CCDC148: variants seen among roughly 807,000 people sequenced by gnomAD.
The protein encoded by CCDC148 is coiled-coil domain containing 148.
In CCDC148, 89 loss-of-function variants were observed where a neutral mutation model predicts 85.7. The ratio of observed to expected loss-of-function variants is 1.04; its 90% CI spans 0.87 to 1.24. The LOEUF is 1.24. Among genes scored for constraint, CCDC148 ranks in the 50% most tolerant of loss-of-function variants. The pLI is 0.00. For synonymous variants in CCDC148, 230 were observed against 213.9 expected, an observed-to-expected ratio of 1.08 and a Z score of -0.66; for missense variants, 692 against 671.7, an observed-to-expected ratio of 1.03 and a Z score of -0.33.
At chr2:158,189,954 A>G (rs531420358) in intron 11 of CCDC148, among the ~76,000 whole-genome samples, 11 of 152,166 alleles carry the variant, frequency 7.2e-5, no homozygotes, top group South Asian at 2.1e-4. Context: ...GATGGAAAGC[A>G]TTCTATTGAA....
intron 9 of CCDC148, among the ~76,000 whole-genome samples, chr2:158,272,779 C>T (rs1689757310): frequency 2.0e-5 from 3 of 152,176 alleles, no homozygotes; most frequent in South Asian, 2.1e-4. Context: ...TCTGCTCATT[C>T]ACTGGGAAAG....
At chr2:158,303,202 A>T (rs915696719) in intron 9 of CCDC148, among the ~76,000 whole-genome samples, 2 of 152,224 alleles carry the variant, frequency 1.3e-5, no homozygotes, top group African/African-American at 4.8e-5. Context: ...AATGTTTATT[A>T]TAGCTGGCAT....
chr2:158,274,815 T>C (rs1210338617), intron 9 of CCDC148, among the ~76,000 whole-genome samples: 4 of 152,176 alleles, frequency 2.6e-5, no homozygotes, highest in Admixed American at 2.6e-4. Flanking sequence ...ACAAGGCTGG[T>C]GGTAGAGAAG....
chr2:158,406,613 C>CTTTTTTTT (rs61612452), intron 1 of CCDC148, among the ~76,000 whole-genome samples: 6 of 31,458 alleles, frequency 1.9e-4, no homozygotes, highest in African/African-American at 2.9e-4. Context: ...GATTAAATTT[C>CTTTTTTTT]TTTTTTTTTT....
intron 9 of CCDC148, among the ~76,000 whole-genome samples, chr2:158,284,275 T>C (rs1393687923): frequency 2.0e-5 from 3 of 149,482 alleles, no homozygotes; most frequent in Admixed American, 2.0e-4. Context: ...TAAAGTATAA[T>C]AATAAAAAAA....
At chr2:158,309,326 C>T in intron 9 of CCDC148, 107 bp downstream of exon 9, 1 of 917,752 alleles carries the variant, frequency 1.1e-6, no homozygotes, top group Non-Finnish European at 1.6e-6. Context: ...TAAAGGTAGG[C>T]TTTTGTTTTT....
rs556527832 is a variant in CCDC148, at chr2:158,437,875, C to T, written c.25+18540G>A. Among the ~76,000 whole-genome samples the T allele has an allele frequency of 1.7e-3, 257 of 152,194 alleles. 1 individual carries two copies. The highest frequency in any genetic ancestry group is 5.9e-3 in the African/African-American group (244 of 41,538). On this transcript the variant is annotated intron_variant, in intron 1 of 13. Transcript: ENST00000283233. ...ATTATGAGTGAATTCCCATTCACAA[C>T]TGCTTCAAAGAGAATAAAATACCTA...
chr2:158,248,933 G>A (rs1688679320), intron 10 of CCDC148, among the ~76,000 whole-genome samples: 1 of 152,016 alleles, frequency 6.6e-6, no homozygotes, highest in African/African-American at 2.4e-5. Flanking sequence ...TTGTTACAGT[G>A]TTTATGAGGC....
At chr2:158,202,729 C>T (rs1034250582) in intron 11 of CCDC148, among the ~76,000 whole-genome samples, 10 of 152,206 alleles carry the variant, frequency 6.6e-5, no homozygotes, top group African/African-American at 2.2e-4. Flanking sequence ...CATATAATTT[C>T]TACACAACAC....
Position 158,397,893 on chromosome 2 carries a change from G to A in CCDC148, c.26-39323C>T, listed in dbSNP as rs553143358. ...GCTGTATTCAAGGGACCCATCTCAC[G>A]TGCAAAGACACACATAGGCTCAAAA... On this transcript the variant is annotated intron_variant, in intron 1 of 13. Transcript: ENST00000283233. Among the ~76,000 whole-genome samples the A allele has an allele frequency of 3.3e-5, 5 of 152,174 alleles. No individual in the cohort carries two copies. In the East Asian group the frequency reaches 5.8e-4, roughly 18 times the overall value.
chr2:158,326,612 A>G (rs746697987), intron 7 of CCDC148, among the ~76,000 whole-genome samples: 49 of 152,120 alleles, frequency 3.2e-4, no homozygotes, highest in Admixed American at 1.2e-3. Flanking sequence ...GTCTTTATGC[A>G]TTAGGGATTT....
At chr2:158,296,314 T>C (rs910662506) in intron 9 of CCDC148, among the ~76,000 whole-genome samples, 3 of 152,206 alleles carry the variant, frequency 2.0e-5, no homozygotes, top group African/African-American at 4.8e-5. Flanking sequence ...CACACCATTT[T>C]TTTCATAGGA....
At chr2:158,340,117 A>T in intron 5 of CCDC148, 125 bp downstream of exon 5, 1 of 684,794 alleles carries the variant, frequency 1.5e-6, no homozygotes, top group Non-Finnish European at 2.2e-6. Flanking sequence ...CTTCTATTTA[A>T]ATATTATTTA....
chr2:158,359,905 A>G (rs1485232954), intron 1 of CCDC148, among the ~76,000 whole-genome samples: 2 of 152,228 alleles, frequency 1.3e-5, no homozygotes, highest in Admixed American at 6.5e-5. Flanking sequence ...TATGGAGCCC[A>G]GCAAGCTAAG....
chr2:158,363,086 G>C (rs545073023), intron 1 of CCDC148, among the ~76,000 whole-genome samples: 6 of 152,144 alleles, frequency 3.9e-5, no homozygotes, highest in South Asian at 2.1e-4. Flanking sequence ...ATAAATTCCT[G>C]GACACATACA....
At chr2:158,414,267 A>G (rs571917224) in intron 1 of CCDC148, among the ~76,000 whole-genome samples, 1 of 152,326 alleles carries the variant, frequency 6.6e-6, no homozygotes, top group South Asian at 2.1e-4. Context: ...AAAAAAATAA[A>G]TATCTCCACA....
chr2:158,358,117 C>A (rs1360287226), intron 2 of CCDC148, among the ~76,000 whole-genome samples: 1 of 152,118 alleles, frequency 6.6e-6, no homozygotes, highest in Non-Finnish European at 1.5e-5. Context: ...GATAATAGTC[C>A]ATGGCTGGTA....
chr2:158,329,486 G>A (rs7604145), intron 7 of CCDC148, among the ~76,000 whole-genome samples: 25,329 of 151,436 alleles, frequency 0.17, 3,343 homozygotes, highest in African/African-American at 0.37. Context: ...TTGACTTGGC[G>A]ATGTGGGCTC....
intron 11 of CCDC148, among the ~76,000 whole-genome samples, chr2:158,196,287 C>T (rs973667396): frequency 6.6e-6 from 1 of 152,032 alleles, no homozygotes; most frequent in African/African-American, 2.4e-5. Context: ...ATCTGTATGG[C>T]AGAAATAATA....
Sources: allele counts gnomAD v4.1 joint callset (sites outside exome capture counted in the v4.1 genomes callset), GRCh38; gene constraint gnomAD v4.1.1; transcripts MANE v1.5; gene names NCBI Gene and HGNC (gene_info 2026-07-23, HGNC 2026-07-21).